Variants in FHIT observed in about 807,000 individuals in gnomAD.
FHIT encodes the protein fragile histidine triad diadenosine triphosphatase, also known as bis(5'-adenosyl)-triphosphatase.
A neutral mutation model predicts 17.9 loss-of-function variants in FHIT; 19 were observed. That is an observed-to-expected ratio of 1.06 (90% CI 0.74 to 1.56). FHIT has a LOEUF of 1.56. FHIT is among the 40% of genes most tolerant of loss of function. The pLI is 0.00. For missense variants in FHIT, 248 were observed against 189.2 expected, an observed-to-expected ratio of 1.31 and a Z score of -1.82; for synonymous variants, 81 against 69.7, an observed-to-expected ratio of 1.16 and a Z score of -0.81.
intron 8 of FHIT, among the ~76,000 whole-genome samples, chr3:59,752,567 G>A (rs540094233): frequency 6.6e-6 from 1 of 152,250 alleles, no homozygotes; most frequent in South Asian, 2.1e-4. Flanking sequence ...ATATGATATA[G>A]GTCTGTGTCC....
At chr3:60,492,579 T>A (rs1000887550) in intron 5 of FHIT, among the ~76,000 whole-genome samples, 1 of 151,028 alleles carries the variant, frequency 6.6e-6, no homozygotes, top group Non-Finnish European at 1.5e-5. Context: ...TGATCTCGGC[T>A]CACTGCAACC....
intron 5 of FHIT, among the ~76,000 whole-genome samples, chr3:60,185,268 G>C (rs530591303): frequency 3.9e-5 from 6 of 151,904 alleles, no homozygotes; most frequent in Admixed American, 6.6e-5. Context: ...AAAAAAAATC[G>C]CATGTTTCAC....
At chr3:60,801,521 G>A (rs1701185953) in intron 4 of FHIT, among the ~76,000 whole-genome samples, 1 of 152,244 alleles carries the variant, frequency 6.6e-6, no homozygotes, top group Non-Finnish European at 1.5e-5. Flanking sequence ...GGGCTAGTTG[G>A]CCTTCACATT....
At chr3:60,153,698 G>A (rs1013198965) in intron 5 of FHIT, among the ~76,000 whole-genome samples, 1 of 152,150 alleles carries the variant, frequency 6.6e-6, no homozygotes, top group Non-Finnish European at 1.5e-5. Context: ...GACACAGGCT[G>A]ATTTTAGGGC....
intron 5 of FHIT, among the ~76,000 whole-genome samples, chr3:60,382,009 G>C (rs1274645936): frequency 2.0e-5 from 3 of 152,156 alleles, no homozygotes. Flanking sequence ...CACATTTCAA[G>C]TGTTCAGTAG....
intron 8 of FHIT, among the ~76,000 whole-genome samples, chr3:59,780,799 G>T (rs1702550699): frequency 6.6e-6 from 1 of 152,088 alleles, no homozygotes; most frequent in African/African-American, 2.4e-5. Context: ...AGCCTCCAGA[G>T]CCATGAGAAA....
Position 60,375,531 on chromosome 3 carries a change from C to T in FHIT, c.103+161329G>A, listed in dbSNP as rs1447962. ...CAGAGGTTGCAGTGAGCAGAGATCA[C>T]GCCACTGCACTCCAGCCTGGGTGAC... On this transcript the variant is annotated intron_variant, in intron 5 of 9. Transcript: ENST00000492590. 7.1e-3 allele frequency among the ~76,000 whole-genome samples: 1,080 copies of T among 152,130 alleles called. 38 individuals are homozygous for T. Among genetic ancestry groups the T allele is most frequent in the Admixed American group, 0.051 (786 of 15,272 alleles).
At chr3:60,594,284 T>C (rs1341737182) in intron 4 of FHIT, among the ~76,000 whole-genome samples, 1 of 152,052 alleles carries the variant, frequency 6.6e-6, no homozygotes. Context: ...AGTACACACA[T>C]ACAGCGAACA....
At chr3:60,365,479 G>A (rs192060127) in intron 5 of FHIT, among the ~76,000 whole-genome samples, 321 of 152,150 alleles carry the variant, frequency 2.1e-3, no homozygotes, top group African/African-American at 7.3e-3. Context: ...CATTAAAATA[G>A]TAACTGAGTC....
intron 4 of FHIT, among the ~76,000 whole-genome samples, chr3:60,630,355 C>G (rs920118031): frequency 6.6e-6 from 1 of 152,148 alleles, no homozygotes; most frequent in East Asian, 1.9e-4. Flanking sequence ...TACCCTATTC[C>G]CCCAGGGAGA....
At chr3:59,864,876 G>A (rs188882132) in intron 8 of FHIT, among the ~76,000 whole-genome samples, 18 of 151,884 alleles carry the variant, frequency 1.2e-4, no homozygotes, top group Non-Finnish European at 2.2e-4. Context: ...TAGAAGGGAG[G>A]CCTAATTCTT....
chr3:60,611,264 A>G (rs1338591953), intron 4 of FHIT, among the ~76,000 whole-genome samples: 2 of 152,236 alleles, frequency 1.3e-5, no homozygotes, highest in African/African-American at 2.4e-5. Flanking sequence ...AGTTGGTCCA[A>G]TGAAAAAGAG....
intron 5 of FHIT, among the ~76,000 whole-genome samples, chr3:60,133,238 G>A (rs992582053): frequency 3.9e-5 from 6 of 152,032 alleles, no homozygotes; most frequent in South Asian, 2.1e-4. Flanking sequence ...TGATGTGTTC[G>A]GCCAGAGAAA....
At chr3:59,954,221 G>T (rs115356081) in intron 7 of FHIT, among the ~76,000 whole-genome samples, 64 of 120,898 alleles carry the variant, frequency 5.3e-4, no homozygotes, top group Admixed American at 8.8e-4. Flanking sequence ...ATTTTGTTCT[G>T]TTTTTTTTTC....
rs1210778306 is a variant in FHIT, at chr3:60,263,268, C to A, written c.104-249116G>T. ...ATGGTAGAGTGAAAACTGATATAAC[C>A]ATTTTAGAATACCACTGGCAATTCC... On this transcript the variant is annotated intron_variant, in intron 5 of 9. Transcript: ENST00000492590. Among the ~76,000 whole-genome samples the A allele has an allele frequency of 2.0e-5, 3 of 151,868 alleles. No homozygotes were observed. The East Asian group carries it at 5.8e-4, about 29-fold the overall frequency.
intron 2 of FHIT, among the ~76,000 whole-genome samples, chr3:61,042,307 A>G (rs955582002): frequency 1.3e-5 from 2 of 152,254 alleles, no homozygotes; most frequent in African/African-American, 4.8e-5. Flanking sequence ...GGTTAAAAGC[A>G]TATAACCTAC....
At chr3:60,450,475 T>A (rs2031664543) in intron 5 of FHIT, among the ~76,000 whole-genome samples, 1 of 152,028 alleles carries the variant, frequency 6.6e-6, no homozygotes. Flanking sequence ...ACTATGCAAG[T>A]GACAAAGCAG....
chr3:60,310,536 G>T (rs1206481140), intron 5 of FHIT, among the ~76,000 whole-genome samples: 1 of 152,008 alleles, frequency 6.6e-6, no homozygotes, highest in African/African-American at 2.4e-5. Flanking sequence ...AAAAGGCACA[G>T]GTGCAGGAGG....
chr3:60,382,943 T>C (rs1341383670), intron 5 of FHIT, among the ~76,000 whole-genome samples: 1 of 152,170 alleles, frequency 6.6e-6, no homozygotes, highest in Non-Finnish European at 1.5e-5. Flanking sequence ...GACCTCTTGG[T>C]AATGTCACGA....
Sources: gnomAD v4.1 joint callset for allele counts (sites outside exome capture counted in the v4.1 genomes callset) on GRCh38, gnomAD v4.1.1 for gene constraint, MANE v1.5 for transcripts, NCBI Gene and HGNC (gene_info 2026-07-23, HGNC 2026-07-21) for gene names.